The following PCDHGA7 variants were observed in gnomAD, a reference collection of about 807,000 sequenced individuals.
The protein encoded by PCDHGA7 is protocadherin gamma subfamily A, 7.
PCDHGA7 carries 44 observed loss-of-function variants against 58.3 expected under a neutral mutation model. The ratio of observed to expected loss-of-function variants is 0.75; its 90% confidence interval spans 0.59 to 0.97. The LOEUF is 0.97. Among genes scored for constraint, PCDHGA7 ranks in the 50% least tolerant of loss-of-function variants. The pLI, the probability that PCDHGA7 is intolerant of heterozygous loss-of-function variation, is 0.00. For missense variants in PCDHGA7, 1,266 were observed against 1,188.7 expected, an observed-to-expected ratio of 1.06 and a Z score of -0.96; for synonymous variants, 516 against 504.2, an observed-to-expected ratio of 1.02 and a Z score of -0.31.
chr5:141,397,248 T>C (rs2093496152), intron 1 of PCDHGA7, among the ~76,000 whole-genome samples: 1 of 152,168 alleles, frequency 6.6e-6, no homozygotes, highest in South Asian at 2.1e-4. Flanking sequence ...CGTAGTAGGG[T>C]ATATCATTTC....
chr5:141,450,468 A>G (rs1187171122), intron 1 of PCDHGA7, among the ~76,000 whole-genome samples: 2 of 151,696 alleles, frequency 1.3e-5, no homozygotes, highest in African/African-American at 4.9e-5. Flanking sequence ...TTTTATATAT[A>G]GAGTTTGTTT....
chr5:141,393,428 G>A (rs1043256482), intron 1 of PCDHGA7: 2 of 1,614,042 alleles, frequency 1.2e-6, no homozygotes, highest in Admixed American at 1.7e-5. Flanking sequence ...GGGAGGAAGA[G>A]GCTGCTCACC....
At position 141,491,369 on chromosome 5, in the gene PCDHGA7, CCTTT is replaced by C; in HGVS notation, c.2425-3435_2425-3432del. ...AGTCTCTTATCCCTAGTCACCTTCACCTTTCTGTCAGCGAAGTGCCTTCAGGGAA... is the reference window on the plus strand; with the variant it reads ...AGTCTCTTATCCCTAGTCACCTTCACCTGTCAGCGAAGTGCCTTCAGGGAA... On this transcript the variant is annotated intron_variant, in intron 1 of 3. Transcript: ENST00000518325. The surrounding 1 kb of genome is among the most constrained non-coding windows in gnomAD (Gnocchi z 6.9). 1 of 1,614,110 alleles carries C rather than the reference CCTTT, an allele frequency of 6.2e-7. No individual in the cohort carries two copies. Among genetic ancestry groups the C allele is most frequent in the Non-Finnish European group, 8.5e-7 (1 of 1,179,996 alleles).
intron 1 of PCDHGA7, among the ~76,000 whole-genome samples, chr5:141,480,873 C>A (rs1026513782): frequency 6.6e-6 from 1 of 152,168 alleles, no homozygotes; most frequent in East Asian, 1.9e-4. Context: ...GGTGAAACCC[C>A]GTCTCTACTA....
chr5:141,430,413 A>G lies in PCDHGA7; in HGVS notation c.2424+45090A>G, dbSNP rs1437560579. ...AAAAAAAAAGCTCACTAAAGTTTCTATTAAAGCGAATACGGTAGATTTCCA... is the reference window on the plus strand; with the variant it reads ...AAAAAAAAAGCTCACTAAAGTTTCTGTTAAAGCGAATACGGTAGATTTCCA... On this transcript the variant is annotated intron_variant, in intron 1 of 3. Coordinates refer to ENST00000518325, the MANE Select transcript of PCDHGA7 (RefSeq NM_018920.4). Among the ~76,000 whole-genome samples the G allele has an allele frequency of 2.0e-5, 3 of 151,870 alleles. No homozygotes were observed. In the South Asian group the frequency reaches 6.2e-4, roughly 31 times the overall value.
chr5:141,393,475 C>G lies in PCDHGA7; in HGVS notation c.2424+8152C>G, dbSNP rs200282311. The G allele has an allele frequency of 1.2e-3, 1,881 of 1,614,046 alleles. 9 individuals are homozygous for G. Among genetic ancestry groups the G allele is most frequent in the South Asian group, 3.4e-3 (312 of 91,088 alleles). On this transcript the variant is annotated intron_variant, in intron 1 of 3. Coordinates refer to ENST00000518325, the MANE Select transcript of PCDHGA7 (RefSeq NM_018920.4). ...ACGGCCTCGGATGGCGGCAAGCCGC[C>G]TCGCTCTAGCACAGTGCGCATCCAC... is the stretch of plus-strand genomic sequence containing the variant.
intron 1 of PCDHGA7, chr5:141,395,843 A>T (rs570175269): frequency 2.0e-5 from 3 of 152,044 alleles, no homozygotes; most frequent in Non-Finnish European, 4.4e-5. Flanking sequence ...TTGGTGGGAG[A>T]TGAGACTGGT....
intron 1 of PCDHGA7, among the ~76,000 whole-genome samples, chr5:141,447,405 T>C (rs1045202682): frequency 6.6e-6 from 1 of 152,068 alleles, no homozygotes; most frequent in Non-Finnish European, 1.5e-5. Context: ...CCCAAAGTGC[T>C]GGGATTACAG....
Position 141,423,275 on chromosome 5 carries a change from C to T in PCDHGA7, c.2424+37952C>T. 1.2e-6 allele frequency: 2 copies of T among 1,614,012 alleles called. No homozygotes were observed. The highest frequency in any genetic ancestry group is 1.7e-6 in the Non-Finnish European group (2 of 1,179,970). ...GACCTCGGCAGCCTCGAGTCTCTGGCTAACTCTGAAACCTCAGACCTCTCG... is the reference window on the plus strand; with the variant it reads ...GACCTCGGCAGCCTCGAGTCTCTGGTTAACTCTGAAACCTCAGACCTCTCG... On this transcript the variant is annotated intron_variant, in intron 1 of 3. Transcript: ENST00000518325.
intron 1 of PCDHGA7, among the ~76,000 whole-genome samples, chr5:141,469,061 G>C (rs960166489): frequency 1.3e-5 from 2 of 152,010 alleles, no homozygotes; most frequent in African/African-American, 4.8e-5. Flanking sequence ...AGGATTGCTT[G>C]AGCCTAGGAG....
chr5:141,408,769 C>A (rs754783489), intron 1 of PCDHGA7: 3 of 1,611,166 alleles, frequency 1.9e-6, no homozygotes, highest in South Asian at 1.1e-5. Flanking sequence ...CCGATGGTGG[C>A]AAATACCCAG....
chr5:141,431,868 A>G lies in PCDHGA7; in HGVS notation c.2424+46545A>G, dbSNP rs755283039. On this transcript the variant is annotated intron_variant, in intron 1 of 3. Coordinates refer to ENST00000518325, the MANE Select transcript of PCDHGA7 (RefSeq NM_018920.4). This position sits in a 1 kb window ranked among gnomAD's most constrained non-coding sequence, Gnocchi z 4.8. ...AGAGGGACATTAATTGCCCTTTTAAATGTAAATGACCAAGATTCTGAGGAA... is the reference window on the plus strand; with the variant it reads ...AGAGGGACATTAATTGCCCTTTTAAGTGTAAATGACCAAGATTCTGAGGAA... 4.3e-6 allele frequency: 7 copies of G among 1,614,102 alleles called. No individual in the cohort carries two copies. In the South Asian group the frequency reaches 6.6e-5, roughly 15 times the overall value.
At chr5:141,435,447 A>C (rs2097764160) in intron 1 of PCDHGA7, among the ~76,000 whole-genome samples, 1 of 152,168 alleles carries the variant, frequency 6.6e-6, no homozygotes, top group Non-Finnish European at 1.5e-5. Context: ...CATTAATACG[A>C]TATCTGTATG....
chr5:141,392,463 AT>A (rs770659302), intron 1 of PCDHGA7: 30 of 173,504 alleles, frequency 1.7e-4, no homozygotes, highest in Non-Finnish European at 2.8e-4. Context: ...TTACGGATAA[AT>A]CAAATAAATT....
intron 1 of PCDHGA7, among the ~76,000 whole-genome samples, chr5:141,425,336 G>A (rs2096868804): frequency 6.6e-6 from 1 of 152,182 alleles, no homozygotes; most frequent in South Asian, 2.1e-4. Flanking sequence ...CAAAAAGGAA[G>A]GGTTGGCTTT....
In PCDHGA7 at chr5:141,430,991, A is replaced by G. The variant is rs2097333608; in HGVS notation, c.2424+45668A>G. 2.5e-6 allele frequency: 4 copies of G among 1,613,862 alleles called. No individual in the cohort carries two copies. In the East Asian group the frequency reaches 8.9e-5, roughly 36 times the overall value. ...AGGTAGGACGCAGCTTTTCGCCCTGAATCCGCGCAGCGGCAGCTTGGTCAC... is the reference window on the plus strand; with the variant it reads ...AGGTAGGACGCAGCTTTTCGCCCTGGATCCGCGCAGCGGCAGCTTGGTCAC... On this transcript the variant is annotated intron_variant, in intron 1 of 3. Coordinates refer to ENST00000518325, the MANE Select transcript of PCDHGA7 (RefSeq NM_018920.4).
chr5:141,392,892 G>C, intron 1 of PCDHGA7: 1 of 1,613,702 alleles, frequency 6.2e-7, no homozygotes, highest in East Asian at 2.2e-5. Flanking sequence ...GTGGGAAATC[G>C]GGAGGGGACA....
At chr5:141,479,986 C>T (rs2099510881) in intron 1 of PCDHGA7, among the ~76,000 whole-genome samples, 1 of 152,200 alleles carries the variant, frequency 6.6e-6, no homozygotes, top group Non-Finnish European at 1.5e-5. Flanking sequence ...CATTTACCAA[C>T]TAGGAGTCTG....
chr5:141,454,842 C>T lies in PCDHGA7; in HGVS notation c.2425-39965C>T, dbSNP rs543795114. 1.2e-4 allele frequency among the ~76,000 whole-genome samples: 12 copies of T among 101,680 alleles called. No homozygotes were observed. The East Asian group carries it at 3.9e-3, about 33-fold the overall frequency. 66.7% of individuals were successfully genotyped at this position (101,680 alleles called of 152,430 possible). ...TTTTTTTTTGAGACAGAGTCGCGCTCTGTCACCCAGGCTGGAGTGCAGTGG... is the reference window on the plus strand; with the variant it reads ...TTTTTTTTTGAGACAGAGTCGCGCTTTGTCACCCAGGCTGGAGTGCAGTGG... On this transcript the variant is annotated intron_variant, in intron 1 of 3. Coordinates refer to ENST00000518325, the MANE Select transcript of PCDHGA7 (RefSeq NM_018920.4).
Sources: allele counts gnomAD v4.1 joint callset (sites outside exome capture counted in the v4.1 genomes callset), GRCh38; gene constraint gnomAD v4.1.1; non-coding constraint Gnocchi (gnomAD v3.1); transcripts MANE v1.5; gene names NCBI Gene and HGNC (gene_info 2026-07-23, HGNC 2026-07-21).